NPLOC4: variants seen among roughly 807,000 people sequenced by gnomAD.
NPLOC4 encodes the protein NPL4 homolog, ubiquitin recognition factor, also known as nuclear protein localization protein 4 homolog.
In NPLOC4, 18 loss-of-function variants were observed where a neutral mutation model predicts 80.6. The observed-to-expected ratio is 0.22, with a 90% CI of 0.15 to 0.33. NPLOC4 has a LOEUF of 0.33. NPLOC4 is among the 10% of genes least tolerant of loss of function. The pLI is 1.00. For missense variants in NPLOC4, 540 were observed against 786.1 expected, an observed-to-expected ratio of 0.69 and a Z score of 3.74; for synonymous variants, 313 against 301.5, an observed-to-expected ratio of 1.04 and a Z score of -0.39.
At position 81,572,003 on chromosome 17, in the gene NPLOC4, TG is replaced by T; in HGVS notation, c.1353+13del. 1.9e-6 allele frequency: 3 copies of T among 1,591,304 alleles called. No individual in the cohort carries two copies. Among genetic ancestry groups the T allele is most frequent in the Non-Finnish European group, 1.7e-6 (2 of 1,166,548 alleles). ...TGGGTCCACCTGCCCAAGCTGTGCATGGGGGGCACTTACGTCTATGATGAGA... is the reference window on the plus strand; with the variant it reads ...TGGGTCCACCTGCCCAAGCTGTGCATGGGGGCACTTACGTCTATGATGAGA... On this transcript the variant is annotated intron_variant, in intron 13 of 16. Coordinates refer to ENST00000331134, the MANE Select transcript of NPLOC4 (RefSeq NM_017921.4). The surrounding 1 kb of genome is among the most constrained non-coding windows in gnomAD (Gnocchi z 4.5).
At chr17:81,607,055 C>T (rs936599743) in intron 6 of NPLOC4, among the ~76,000 whole-genome samples, 1 of 152,204 alleles carries the variant, frequency 6.6e-6, no homozygotes, top group Admixed American at 6.5e-5. Flanking sequence ...CAACTACTTT[C>T]CTACCAAACT....
chr17:81,567,205 G>A lies in NPLOC4; in HGVS notation c.1566+212C>T, dbSNP rs907613022. ...GACACTCAATGGAAATGCTAAAGGT[G>A]AAAAAATTAATCTTTCTATCAACAA... On this transcript the variant is annotated intron_variant, in intron 15 of 16. Coordinates refer to ENST00000331134, the MANE Select transcript of NPLOC4 (RefSeq NM_017921.4). This position sits in a 1 kb window ranked among gnomAD's most constrained non-coding sequence, Gnocchi z 4.5. Among the ~76,000 whole-genome samples, 2 of 148,666 alleles carry A rather than the reference G, an allele frequency of 1.3e-5. No individual in the cohort carries two copies. Among genetic ancestry groups the A allele is most frequent in the African/African-American group, 4.8e-5 (2 of 41,288 alleles).
intron 2 of NPLOC4, among the ~76,000 whole-genome samples, chr17:81,626,692 G>A (rs2035804055): frequency 6.6e-6 from 1 of 152,112 alleles, no homozygotes; most frequent in Non-Finnish European, 1.5e-5. Context: ...AAATTAGCTA[G>A]GAAGCTCACG....
At chr17:81,593,076 T>C (rs904913582) in intron 11 of NPLOC4, among the ~76,000 whole-genome samples, 2 of 152,152 alleles carry the variant, frequency 1.3e-5, no homozygotes, top group Non-Finnish European at 2.9e-5. Context: ...CTGTTCCATA[T>C]CCCACAAGAC....
intron 11 of NPLOC4, among the ~76,000 whole-genome samples, chr17:81,593,941 T>C (rs2034817076): frequency 6.6e-6 from 1 of 151,420 alleles, no homozygotes; most frequent in Non-Finnish European, 1.5e-5. Context: ...TTCCCAACCC[T>C]TCCCTTAAGC....
chr17:81,611,547 A>C (rs2035339272), intron 4 of NPLOC4, among the ~76,000 whole-genome samples: 1 of 151,430 alleles, frequency 6.6e-6, no homozygotes, highest in Non-Finnish European at 1.5e-5. Context: ...ACGGGATTTC[A>C]CCATATTGGT....
rs11541221 is a variant in NPLOC4 at position 81,557,476 on chromosome 17, G to C, written c.*1783C>G. ...ATAATAGCGTGGTGGATAAGGACGA[G>C]CGAGTGGGAGAGGAACTGGCAACGC... On this transcript the variant is annotated 3_prime_UTR_variant, in exon 17 of 17. Transcript: ENST00000331134. The C allele has an allele frequency of 1.3e-5, 2 of 152,278 alleles. No homozygotes were observed. Among genetic ancestry groups the C allele is most frequent in the Non-Finnish European group, 2.9e-5 (2 of 68,076 alleles). The allele number at this position is 152,278 out of a possible 1,614,324, so 9.4% of individuals were successfully genotyped here.
At chr17:81,565,349 G>A in intron 16 of NPLOC4, 156 bp downstream of exon 16, 1 of 731,142 alleles carries the variant, frequency 1.4e-6, no homozygotes, top group Non-Finnish European at 2.4e-6. Context: ...GCCTGGCAGG[G>A]AGGCCGAGTC....
At chr17:81,612,197 C>A (rs931785599) in intron 4 of NPLOC4, among the ~76,000 whole-genome samples, 2 of 152,092 alleles carry the variant, frequency 1.3e-5, no homozygotes, top group Non-Finnish European at 2.9e-5. Flanking sequence ...TGCTGGTTTA[C>A]GAGGGCGCCG....
At chr17:81,598,372 G>GTGAGACCAA (rs968839195) in intron 9 of NPLOC4, among the ~76,000 whole-genome samples, 3 of 152,146 alleles carry the variant, frequency 2.0e-5, no homozygotes, top group Admixed American at 1.3e-4. Context: ...ACAGCAGTGA[G>GTGAGACCAA]TGAGACCAAC....
At chr17:81,629,642 C>T (rs1166072866) in intron 2 of NPLOC4, 83 bp downstream of exon 2, 35 of 1,069,282 alleles carry the variant, frequency 3.3e-5, no homozygotes, top group African/African-American at 9.5e-5. Context: ...AATAAGAAAA[C>T]GAGGAAAAGA....
chr17:81,559,463 G>A, intron 16 of NPLOC4, 47 bp from the exon 17 acceptor site: 1 of 1,552,864 alleles, frequency 6.4e-7, no homozygotes. Context: ...TGGCCCACCA[G>A]AGACTGCCAG....
At chr17:81,615,199 A>C (rs1404525652) in intron 3 of NPLOC4, among the ~76,000 whole-genome samples, 3 of 148,884 alleles carry the variant, frequency 2.0e-5, no homozygotes, top group Non-Finnish European at 4.4e-5. Context: ...TCACGGGTTT[A>C]AGCGATTCTC....
chr17:81,619,246 G>A (rs1469199151), intron 3 of NPLOC4, among the ~76,000 whole-genome samples: 1 of 151,162 alleles, frequency 6.6e-6, no homozygotes, highest in Middle Eastern at 3.2e-3. Flanking sequence ...GCATGTTGGC[G>A]GGCGCCTGTA....
chr17:81,603,014 C>CAT (rs35879038), intron 8 of NPLOC4, among the ~76,000 whole-genome samples: 7,945 of 140,766 alleles, frequency 0.056, 303 homozygotes, highest in Non-Finnish European at 0.082. Flanking sequence ...CACACACACA[C>CAT]ATATAAAAGT....
chr17:81,579,131 T>G (rs919059660), intron 12 of NPLOC4, among the ~76,000 whole-genome samples: 1 of 152,168 alleles, frequency 6.6e-6, no homozygotes, highest in African/African-American at 2.4e-5. Context: ...TTCTAGCACT[T>G]TGGGAGGCAA....
intron 8 of NPLOC4, among the ~76,000 whole-genome samples, chr17:81,601,390 T>C (rs2035052881): frequency 1.3e-5 from 2 of 152,206 alleles, no homozygotes. Context: ...AGTTGTTTAA[T>C]GACATGTGGC....
At chr17:81,633,316 A>G (rs1335844317) in intron 1 of NPLOC4, among the ~76,000 whole-genome samples, 1 of 151,934 alleles carries the variant, frequency 6.6e-6, no homozygotes, top group East Asian at 1.9e-4. Flanking sequence ...GCTCTGTTCT[A>G]ATGAAGGGGA....
rs1487236180 is a variant in NPLOC4 at position 81,559,249 on chromosome 17, G to A, written c.*10C>T. 14 of 1,594,786 alleles carry A rather than the reference G, an allele frequency of 8.8e-6. No homozygotes were observed. The East Asian group carries it at 1.1e-4, about 13-fold the overall frequency. On this transcript the variant is annotated 3_prime_UTR_variant, in exon 17 of 17. Transcript: ENST00000331134. ...CTGGGCCCGGTCCTAGCCAGCAGAG[G>A]GCAGGCGCCCTAGGTCCTGGGGAGG...
Sources: allele counts gnomAD v4.1 joint callset (sites outside exome capture counted in the v4.1 genomes callset), GRCh38; gene constraint gnomAD v4.1.1; non-coding constraint Gnocchi (gnomAD v3.1); transcripts MANE v1.5; gene names NCBI Gene and HGNC (gene_info 2026-07-23, HGNC 2026-07-21).